The following NOS1 variants were observed in gnomAD, a reference collection of about 807,000 sequenced individuals.
NOS1 encodes NOS type I.
In NOS1, 51 loss-of-function variants were observed where a neutral mutation model predicts 164.5. The observed-to-expected ratio is 0.31, with a 90% CI of 0.25 to 0.39. The LOEUF is 0.39. NOS1 is among the 10% of genes least tolerant of loss of function. The pLI is 1.00. For missense variants in NOS1, 1,362 were observed against 1,885.6 expected (o/e 0.72, Z 5.14); for synonymous variants, 719 against 745.8 (o/e 0.96, Z 0.59).
chr12:117,243,170 G>T lies in NOS1; in HGVS notation c.2962+127C>A. 3 of 1,105,650 alleles carry T rather than the reference G, an allele frequency of 2.7e-6. No homozygotes were observed. The highest frequency in any genetic ancestry group is 2.6e-6 in the Non-Finnish European group (2 of 769,330). The allele number at this position is 1,105,650 out of a possible 1,614,324, so 68.5% of individuals were successfully genotyped here. ...GGGAGAGCAGCAAAGTATTCATTTT[G>T]GTAGGACTGCACTAAAGGGAGATCA... On this transcript the variant is annotated intron_variant, in intron 19 of 28. Transcript: ENST00000317775. This position sits in a 1 kb window ranked among gnomAD's most constrained non-coding sequence, Gnocchi z 4.3.
At chr12:117,350,986 C>T (rs953713040) in intron 1 of NOS1, among the ~76,000 whole-genome samples, 16 of 152,154 alleles carry the variant, frequency 1.1e-4, no homozygotes, top group South Asian at 4.1e-4. Flanking sequence ...TGTTGGCGGG[C>T]GCCTGTAGTC....
At chr12:117,317,714 A>G (rs1302065447) in intron 2 of NOS1, among the ~76,000 whole-genome samples, 2 of 152,012 alleles carry the variant, frequency 1.3e-5, no homozygotes, top group Non-Finnish European at 2.9e-5. Context: ...CCTTCACTAA[A>G]TGGCCCTCAC....
At chr12:117,276,841 TCATTGTGTATCTGTGCCA>T (rs1398179224) in intron 9 of NOS1, among the ~76,000 whole-genome samples, 1 of 152,224 alleles carries the variant, frequency 6.6e-6, no homozygotes, top group Non-Finnish European at 1.5e-5. Context: ...GTATAGTACT[TCATTGTGTATCTGTGCCA>T]CATTTTCTTT....
chr12:117,230,463 T>C (rs1425147741), intron 22 of NOS1, among the ~76,000 whole-genome samples: 1 of 152,210 alleles, frequency 6.6e-6, no homozygotes, highest in Non-Finnish European at 1.5e-5. Context: ...AAGTGTTCCT[T>C]CTGCTATTTA....
Position 117,356,457 on chromosome 12 carries a change from C to T in NOS1, c.-421+5055G>A, listed in dbSNP as rs1876855574. ...ACCTGTCCTGGGTCCTACCACAGCA[C>T]CTCACCTCCACCTCTCTTGCAGAAA... On this transcript the variant is annotated intron_variant, in intron 1 of 28. Coordinates refer to ENST00000317775, the MANE Select transcript of NOS1 (RefSeq NM_000620.5). The surrounding 1 kb of genome is among the most constrained non-coding windows in gnomAD (Gnocchi z 4.2). Among the ~76,000 whole-genome samples, 2 of 152,230 alleles carry T rather than the reference C, an allele frequency of 1.3e-5. No homozygotes were observed. The highest frequency in any genetic ancestry group is 4.1e-4 in the South Asian group (2 of 4,832).
rs914129614 is a variant in NOS1, at chr12:117,214,704, T to C, written c.*605A>G. On this transcript the variant is annotated 3_prime_UTR_variant, in exon 29 of 29. Transcript: ENST00000317775. The stretch of plus-strand genomic sequence containing the variant: ...CAGGTACATGGGCGTGGACCCTAAT[T>C]ATGGACACACGAGGGATTAATATGG... 5.1e-6 allele frequency: 5 copies of C among 985,274 alleles called. No individual in the cohort carries two copies. The highest frequency in any genetic ancestry group is 6.0e-6 in the Non-Finnish European group (5 of 829,922). The allele number at this position is 985,274 out of a possible 1,614,324, so 61.0% of individuals were successfully genotyped here.
intron 26 of NOS1, among the ~76,000 whole-genome samples, chr12:117,222,123 T>G (rs1956716838): frequency 6.6e-6 from 1 of 152,092 alleles, no homozygotes; most frequent in Non-Finnish European, 1.5e-5. Context: ...CCATGCCCAT[T>G]TGCAGTTACT....
intron 2 of NOS1, 151 bp from the exon 3 acceptor site, chr12:117,311,743 G>T: frequency 3.9e-6 from 3 of 761,646 alleles, no homozygotes; most frequent in Non-Finnish European, 5.9e-6. Context: ...CCATCCTGCT[G>T]CTTCATAAAG....
At chr12:117,244,486 G>A (rs1252602584) in intron 18 of NOS1, among the ~76,000 whole-genome samples, 3 of 152,226 alleles carry the variant, frequency 2.0e-5, no homozygotes, top group African/African-American at 7.2e-5. Flanking sequence ...CAATTTGCCC[G>A]CCTCAGCCTC....
At chr12:117,222,954 G>C (rs1868354547) in intron 25 of NOS1, 91 bp from the exon 26 acceptor site, 1 of 1,443,276 alleles carries the variant, frequency 6.9e-7, no homozygotes, top group Admixed American at 2.0e-5. Flanking sequence ...TGAGACCTTA[G>C]CGTGTGCCAT....
At chr12:117,349,704 C>G (rs1241185544) in intron 1 of NOS1, among the ~76,000 whole-genome samples, 1 of 152,156 alleles carries the variant, frequency 6.6e-6, no homozygotes, top group East Asian at 1.9e-4. Flanking sequence ...GTAGCAAGTA[C>G]ATGAAGAACA....
chr12:117,325,376 T>C (rs946764978), intron 2 of NOS1, among the ~76,000 whole-genome samples: 1 of 152,146 alleles, frequency 6.6e-6, no homozygotes, highest in African/African-American at 2.4e-5. Flanking sequence ...GAGGTCCTTA[T>C]TTCAGCCCCT....
At chr12:117,339,644 A>G (rs1477737735) in intron 1 of NOS1, among the ~76,000 whole-genome samples, 2 of 152,258 alleles carry the variant, frequency 1.3e-5, no homozygotes, top group Admixed American at 6.5e-5. Context: ...CATCAATAGA[A>G]GACTATTAAA....
chr12:117,331,131 T>C lies in NOS1; in HGVS notation c.-62A>G. 6.5e-7 allele frequency: 1 copy of C among 1,550,062 alleles called. No homozygotes were observed. Among genetic ancestry groups the C allele is most frequent in the East Asian group, 2.3e-5 (1 of 44,242 alleles). ...CACAATGCTATCAGGCCAAGATGAT[T>C]TCACCAGGAGGATCCAGGCTTCAGG... On this transcript the variant is annotated 5_prime_UTR_variant, in exon 2 of 29. Coordinates refer to ENST00000317775, the MANE Select transcript of NOS1 (RefSeq NM_000620.5).
intron 3 of NOS1, among the ~76,000 whole-genome samples, chr12:117,308,216 A>G (rs1158514734): frequency 6.6e-6 from 1 of 151,840 alleles, no homozygotes; most frequent in East Asian, 2.0e-4. Flanking sequence ...TTGTTGCCCC[A>G]TAAGAATATG....
intron 7 of NOS1, among the ~76,000 whole-genome samples, chr12:117,283,065 T>A (rs1206030539): frequency 0.012 from 1,689 of 146,058 alleles, 32 homozygotes; most frequent in African/African-American, 0.039. Flanking sequence ...TATTTTTTTT[T>A]TTTTTTTTGA....
Position 117,308,631 on chromosome 12 carries a change from C to T in NOS1, c.852+2835G>A, listed in dbSNP as rs567418772. On this transcript the variant is annotated intron_variant, in intron 3 of 28. Transcript: ENST00000317775. ...TTTTTTTTTGAGACAGAGTCTTGCT[C>T]TGTCGCCCAGGCTGGAGTGCAGTAG... 2.0e-5 allele frequency among the ~76,000 whole-genome samples: 3 copies of T among 150,194 alleles called. No homozygotes were observed. In the South Asian group the frequency reaches 6.3e-4, roughly 32 times the overall value.
intron 3 of NOS1, chr12:117,304,947 G>C: frequency 3.2e-6 from 3 of 926,652 alleles, no homozygotes; most frequent in Non-Finnish European, 3.9e-6. Flanking sequence ...TCTTCCTCAT[G>C]TCTAACCTGC....
intron 13 of NOS1, among the ~76,000 whole-genome samples, chr12:117,261,616 C>T (rs1400047080): frequency 6.6e-6 from 1 of 152,142 alleles, no homozygotes; most frequent in Admixed American, 6.6e-5. Flanking sequence ...AAGGGTCTTG[C>T]ACAGAGCCTG....
Sources: allele counts gnomAD v4.1 joint callset (sites outside exome capture counted in the v4.1 genomes callset), GRCh38; gene constraint gnomAD v4.1.1; non-coding constraint Gnocchi (gnomAD v3.1); transcripts MANE v1.5; gene names NCBI Gene and HGNC (gene_info 2026-07-23, HGNC 2026-07-21).